TFDP2: variants seen among roughly 807,000 people sequenced by gnomAD.
The protein encoded by TFDP2 is transcription factor Dp-2, also known as transcription factor Dp-2 (E2F dimerization partner 2).
A neutral mutation model predicts 59.3 loss-of-function variants in TFDP2; 17 were observed. The observed-to-expected ratio is 0.29, with a 90% CI of 0.20 to 0.43. The LOEUF (loss-of-function observed/expected upper bound fraction) is 0.43. Ranked by LOEUF, TFDP2 falls within the 20% of genes least tolerant of loss-of-function variation. The probability of loss-of-function intolerance (pLI) is 1.00; values close to 1 mark genes in which losing one functional copy is unlikely to be tolerated. For missense variants in TFDP2, 391 were observed against 528.8 expected (o/e 0.74, Z 2.56); for synonymous variants, 180 against 194.7 (o/e 0.92, Z 0.63).
chr3:141,957,235 T>C (rs560872857), intron 11 of TFDP2, among the ~76,000 whole-genome samples: 28 of 152,238 alleles, frequency 1.8e-4, no homozygotes, highest in African/African-American at 6.0e-4. Flanking sequence ...GGAGAATCAC[T>C]TGAACCTGGG....
chr3:141,968,563 GAT>G (rs1333369134), intron 9 of TFDP2, among the ~76,000 whole-genome samples: 1 of 83,472 alleles, frequency 1.2e-5, no homozygotes, highest in Non-Finnish European at 2.1e-5. Context: ...CATATATATA[GAT>G]ATATATAACA....
intron 3 of TFDP2, among the ~76,000 whole-genome samples, chr3:142,092,340 C>T (rs11718613): frequency 0.085 from 12,902 of 151,624 alleles, 681 homozygotes; most frequent in Middle Eastern, 0.14. Context: ...ACTTTTTTTT[C>T]TTTTGAGACA....
chr3:142,001,989 G>GTTTTT (rs1560009642), intron 4 of TFDP2, among the ~76,000 whole-genome samples: 2 of 137,678 alleles, frequency 1.5e-5, no homozygotes, highest in Admixed American at 7.1e-5. Context: ...CACCATGCCT[G>GTTTTT]GTTTTTTTTT....
chr3:142,135,765 T>TG (rs2108739557), intron 1 of TFDP2, among the ~76,000 whole-genome samples: 1 of 152,242 alleles, frequency 6.6e-6, no homozygotes, highest in East Asian at 1.9e-4. Flanking sequence ...TAGTATTCCA[T>TG]GGGGTATATG....
chr3:141,993,617 T>C (rs778629140), intron 5 of TFDP2, 32 bp from the exon 6 acceptor site: 11 of 1,288,186 alleles, frequency 8.5e-6, no homozygotes, highest in Non-Finnish European at 1.2e-5. Flanking sequence ...ATAAAAACAA[T>C]ACATACTTAA....
At chr3:142,037,041 T>A (rs1385695963) in intron 3 of TFDP2, among the ~76,000 whole-genome samples, 1 of 152,212 alleles carries the variant, frequency 6.6e-6, no homozygotes, top group Non-Finnish European at 1.5e-5. Context: ...TCTACATTCC[T>A]ACATAAAATA....
At chr3:142,124,600 G>T (rs1407815418) in intron 1 of TFDP2, among the ~76,000 whole-genome samples, 2 of 152,062 alleles carry the variant, frequency 1.3e-5, no homozygotes, top group African/African-American at 4.8e-5. Flanking sequence ...AATTTTTTTG[G>T]TAAGAGAAGA....
At chr3:141,991,620 A>T (rs763935370) in intron 6 of TFDP2, among the ~76,000 whole-genome samples, 2 of 152,014 alleles carry the variant, frequency 1.3e-5, no homozygotes, top group African/African-American at 2.4e-5. Context: ...TAGCGGGCAC[A>T]CGCCTGTAGT....
chr3:141,967,474 A>G (rs1938299149), intron 9 of TFDP2, among the ~76,000 whole-genome samples: 1 of 151,632 alleles, frequency 6.6e-6, no homozygotes, highest in South Asian at 2.1e-4. Context: ...TTGTATTTTT[A>G]GTAGAGACGG....
rs143444207 is a variant in TFDP2, at chr3:142,033,143, C to T, written c.83-27599G>A. Among the ~76,000 whole-genome samples the T allele has an allele frequency of 5.3e-3, 807 of 152,088 alleles. 9 individuals are homozygous for T. Among genetic ancestry groups the T allele is most frequent in the African/African-American group, 0.018 (759 of 41,476 alleles). ...CCAGGAGGCAGAGGTTGCAGTGAGC[C>T]GAGATTACACCACTGCACTCCAGCC... is the stretch of plus-strand genomic sequence containing the variant. On this transcript the variant is annotated intron_variant, in intron 3 of 12. Coordinates refer to ENST00000489671, the MANE Select transcript of TFDP2 (RefSeq NM_001178139.2).
intron 2 of TFDP2, among the ~76,000 whole-genome samples, chr3:142,094,859 C>T (rs1174425637): frequency 6.6e-6 from 1 of 152,182 alleles, no homozygotes; most frequent in Admixed American, 6.5e-5. Context: ...GCACACAATA[C>T]AGTACTATTA....
chr3:142,026,453 A>T (rs1317640360), intron 3 of TFDP2, among the ~76,000 whole-genome samples: 1 of 152,224 alleles, frequency 6.6e-6, no homozygotes, highest in African/African-American at 2.4e-5. Context: ...CCTTAGGCCA[A>T]TTATTTAGAA....
At chr3:141,968,847 GATAT>G (rs1167056401) in intron 9 of TFDP2, among the ~76,000 whole-genome samples, 2 of 59,416 alleles carry the variant, frequency 3.4e-5, no homozygotes, top group Non-Finnish European at 5.8e-5. Context: ...CATATATATA[GATAT>G]ATATAACATA....
intron 1 of TFDP2, chr3:142,126,405 A>AC (rs1361322218): frequency 6.6e-5 from 10 of 152,042 alleles, no homozygotes; most frequent in African/African-American, 2.2e-4. Flanking sequence ...TCCCTCTGAT[A>AC]CATGTATCTG....
At chr3:141,961,535 G>A (rs1334587506) in intron 10 of TFDP2, among the ~76,000 whole-genome samples, 2 of 152,032 alleles carry the variant, frequency 1.3e-5, no homozygotes, top group Non-Finnish European at 1.5e-5. Flanking sequence ...GAGCCACCGT[G>A]CCCGGCCTGA....
intron 1 of TFDP2, among the ~76,000 whole-genome samples, chr3:142,119,919 G>A (rs1560165452): frequency 6.6e-6 from 1 of 151,048 alleles, no homozygotes; most frequent in Admixed American, 6.6e-5. Context: ...GCATGGTGGT[G>A]CGCGCCTGTA....
intron 5 of TFDP2, 46 bp from the exon 6 acceptor site, chr3:141,993,631 CAATTT>C: frequency 1.7e-6 from 2 of 1,144,968 alleles, no homozygotes; most frequent in Non-Finnish European, 2.5e-6. Context: ...TACTTAAATA[CAATTT>C]AATTTCATTA....
chr3:141,980,449 G>T (rs1319459456), intron 6 of TFDP2, among the ~76,000 whole-genome samples: 1 of 151,822 alleles, frequency 6.6e-6, no homozygotes, highest in Non-Finnish European at 1.5e-5. Context: ...ACAATCAATT[G>T]TTGTTAACTA....
intron 3 of TFDP2, among the ~76,000 whole-genome samples, chr3:142,076,231 AAAG>A (rs1321333834): frequency 6.6e-6 from 1 of 152,084 alleles, no homozygotes; most frequent in African/African-American, 2.4e-5. Context: ...AAAAAAGAAA[AAAG>A]AAAAAAGTTT....
Sources: allele counts gnomAD v4.1 joint callset (sites outside exome capture counted in the v4.1 genomes callset), GRCh38; gene constraint gnomAD v4.1.1; transcripts MANE v1.5; gene names NCBI Gene and HGNC (gene_info 2026-07-23, HGNC 2026-07-21).